Variants in PRPF18 observed in about 807,000 individuals in gnomAD.
PRPF18 encodes pre-mRNA processing factor 18, also known as pre-mRNA-splicing factor 18.
A neutral mutation model predicts 46.5 loss-of-function variants in PRPF18; 38 were observed. The observed-to-expected ratio is 0.82, with a 90% CI of 0.63 to 1.07. PRPF18 has a LOEUF of 1.07. Ranked by LOEUF, PRPF18 falls within the 50% of genes least tolerant of loss-of-function variation. The pLI is 0.00. For synonymous variants in PRPF18, 152 were observed against 146.7 expected, an observed-to-expected ratio of 1.04 and a Z score of -0.26; for missense variants, 263 against 410.0, an observed-to-expected ratio of 0.64 and a Z score of 3.10.
At chr10:13,593,793 G>A (rs1326206722) in intron 1 of PRPF18, among the ~76,000 whole-genome samples, 1 of 152,190 alleles carries the variant, frequency 6.6e-6, no homozygotes, top group Non-Finnish European at 1.5e-5. Context: ...ATTTGGAGGA[G>A]TTCCTGACTG....
intron 6 of PRPF18, among the ~76,000 whole-genome samples, chr10:13,612,371 C>T (rs1366120823): frequency 6.6e-6 from 1 of 152,056 alleles, no homozygotes; most frequent in Non-Finnish European, 1.5e-5. Context: ...TTCCTGGATT[C>T]AAGCGATTAT....
chr10:13,646,938 C>A, the PRPF18 span: 1 of 966,810 alleles, frequency 1.0e-6, no homozygotes, highest in Non-Finnish European at 1.2e-6. Context: ...CTGGCTCACA[C>A]GAGGGTCCCG....
chr10:13,610,332 C>G, intron 5 of PRPF18, 147 bp downstream of exon 5: 1 of 923,694 alleles, frequency 1.1e-6, no homozygotes, highest in South Asian at 3.1e-5. Flanking sequence ...TTTATTTACT[C>G]CCCTTTTTCT....
the PRPF18 span, chr10:13,651,081 T>G: frequency 6.6e-6 from 1 of 152,236 alleles, no homozygotes; most frequent in Non-Finnish European, 1.5e-5. Context: ...CCAGACCAGG[T>G]GGTACTGTTA....
At chr10:13,616,161 C>T (rs1000109769) in intron 8 of PRPF18, among the ~76,000 whole-genome samples, 2 of 152,124 alleles carry the variant, frequency 1.3e-5, no homozygotes, top group Non-Finnish European at 2.9e-5. Flanking sequence ...CTTTTTTTTA[C>T]TCACAACCTA....
intron 1 of PRPF18, among the ~76,000 whole-genome samples, chr10:13,594,276 C>T (rs920045260): frequency 2.6e-5 from 4 of 152,202 alleles, no homozygotes; most frequent in African/African-American, 4.8e-5. Context: ...AAACCTCTGG[C>T]ATAGTAGTTG....
intron 9 of PRPF18, among the ~76,000 whole-genome samples, chr10:13,627,510 T>A (rs1397416218): frequency 6.6e-6 from 1 of 152,214 alleles, no homozygotes; most frequent in Non-Finnish European, 1.5e-5. Context: ...CATAAGCAGT[T>A]TGAAACTGAA....
chr10:13,591,581 A>G lies in PRPF18; in HGVS notation c.66+4429A>G, dbSNP rs1013314595. ...TTGTGACTCCACAGCTTTCTGATCA[A>G]TCTTGTGCTGCTCTGTAATCTTGTA... is the stretch of plus-strand genomic sequence containing the variant. On this transcript the variant is annotated intron_variant, in intron 1 of 9. Coordinates refer to ENST00000378572, the MANE Select transcript of PRPF18 (RefSeq NM_003675.4). 2.2e-4 allele frequency: 156 copies of G among 699,326 alleles called. 2 individuals carry two copies. In the South Asian group the frequency reaches 2.2e-3, roughly 10 times the overall value. 43.3% of individuals were successfully genotyped at this position (699,326 alleles called of 1,614,324 possible).
intron 2 of PRPF18, among the ~76,000 whole-genome samples, chr10:13,598,588 G>A (rs1214805405): frequency 1.3e-5 from 2 of 152,138 alleles, no homozygotes; most frequent in African/African-American, 4.8e-5. Flanking sequence ...ATTTTAAAAT[G>A]TAATTATATT....
chr10:13,591,928 GTT>G lies in PRPF18; in HGVS notation c.66+4790_66+4791del, dbSNP rs79929794. ...CAGTTTTCTCACGTGTCAACTGAGG[GTT>G]TTTTTTTTTTTTTGCCATGGCTCAA... On this transcript the variant is annotated intron_variant, in intron 1 of 9. Transcript: ENST00000378572. 6.5e-3 allele frequency: 6,330 copies of G among 980,582 alleles called. 1 individual carries two copies. The highest frequency in any genetic ancestry group is 6.9e-3 in the Non-Finnish European group (4,894 of 705,984). 60.7% of individuals were successfully genotyped at this position (980,582 alleles called of 1,614,324 possible).
chr10:13,597,479 C>A lies in PRPF18; in HGVS notation c.88C>A (p.Arg30Ser). 1 of 1,604,076 alleles carries A rather than the reference C, an allele frequency of 6.2e-7. No homozygotes were observed. The highest frequency in any genetic ancestry group is 1.1e-5 in the South Asian group (1 of 88,954). The change falls in exon 2 of 10, where the codon CGT (arginine) becomes AGT (serine). Residue 30 changes from arginine (R) to serine (S), a missense_variant. By Grantham distance (110) the Arg-to-Ser change is moderately radical. Coordinates refer to ENST00000378572, the MANE Select transcript of PRPF18 (RefSeq NM_003675.4). ...LLVENKKYFK[R>S]SELAKKEEEA... ...ATAGGAAAATAAAAAATATTTCAAG[C>A]GTAGTGAGCTCGCCAAAAAAGAAGA... is the stretch of plus-strand genomic sequence containing the variant.
intron 9 of PRPF18, among the ~76,000 whole-genome samples, chr10:13,627,279 T>C (rs2080522564): frequency 6.6e-6 from 1 of 152,212 alleles, no homozygotes; most frequent in African/African-American, 2.4e-5. Flanking sequence ...CTGTCTTCCC[T>C]TACCACAATT....
chr10:13,597,748 G>A (rs1020526967), intron 2 of PRPF18: 2 of 1,323,990 alleles, frequency 1.5e-6, no homozygotes, highest in Non-Finnish European at 2.1e-6. Context: ...GGCTTGGAAT[G>A]GTTTGGCTTT....
intron 5 of PRPF18, 89 bp downstream of exon 5, chr10:13,610,274 G>A: frequency 7.2e-7 from 1 of 1,391,862 alleles, no homozygotes; most frequent in Non-Finnish European, 9.8e-7. Flanking sequence ...GTTGAGGGCA[G>A]AGCACACTGT....
chr10:13,628,440 T>A (rs1394526250), intron 9 of PRPF18, among the ~76,000 whole-genome samples: 1 of 152,232 alleles, frequency 6.6e-6, no homozygotes, highest in Non-Finnish European at 1.5e-5. Context: ...GCATATAATC[T>A]ATGCACATCC....
intron 4 of PRPF18, among the ~76,000 whole-genome samples, chr10:13,607,429 G>A (rs12356217): frequency 6.6e-6 from 1 of 151,988 alleles, no homozygotes; most frequent in East Asian, 1.9e-4. Flanking sequence ...GTACACACAC[G>A]CTTTTTGAGA....
At chr10:13,637,826 A>T in the PRPF18 span, 1 of 152,244 alleles carries the variant, frequency 6.6e-6, no homozygotes, top group Non-Finnish European at 1.5e-5. Flanking sequence ...AGAGGAAATT[A>T]TGTGAATGTT....
At chr10:13,619,600 G>A (rs551565567) in intron 9 of PRPF18, among the ~76,000 whole-genome samples, 1 of 152,258 alleles carries the variant, frequency 6.6e-6, no homozygotes, top group East Asian at 1.9e-4. Flanking sequence ...GTGAGCTGAG[G>A]GTTAAACCTC....
intron 4 of PRPF18, 42 bp from the exon 5 acceptor site, chr10:13,609,997 T>G: frequency 6.6e-7 from 1 of 1,525,592 alleles, no homozygotes; most frequent in Non-Finnish European, 8.9e-7. Flanking sequence ...CAGGTGTTCT[T>G]CCTTTCATAA....
Sources: gnomAD v4.1 joint callset for allele counts (sites outside exome capture counted in the v4.1 genomes callset) on GRCh38, gnomAD v4.1.1 for gene constraint, MANE v1.5 for transcripts, NCBI Gene and HGNC (gene_info 2026-07-23, HGNC 2026-07-21) for gene names.